TCF4: variants seen among roughly 807,000 people sequenced by gnomAD.
TCF4 encodes SL3-3 enhancer factor 2.
A neutral mutation model predicts 82.1 loss-of-function variants in TCF4; 3 were observed. The ratio of observed to expected loss-of-function variants is 0.04; its 90% confidence interval spans 0.02 to 0.09. TCF4 has a LOEUF of 0.09. Ranked by LOEUF, TCF4 falls within the 10% of genes least tolerant of loss-of-function variation. TCF4 has a pLI of 1.00. For synonymous variants in TCF4, 276 were observed against 309.6 expected, an observed-to-expected ratio of 0.89 and a Z score of 1.14; for missense variants, 518 against 852.7, an observed-to-expected ratio of 0.61 and a Z score of 4.89.
chr18:55,391,852 C>T (rs1438005991), intron 6 of TCF4, among the ~76,000 whole-genome samples: 1 of 149,018 alleles, frequency 6.7e-6, no homozygotes, highest in Non-Finnish European at 1.5e-5. Context: ...ACAGGAGCAT[C>T]GCTTGAACCC....
At chr18:55,418,618 C>T (rs2094606281) in intron 5 of TCF4, among the ~76,000 whole-genome samples, 1 of 152,102 alleles carries the variant, frequency 6.6e-6, no homozygotes, top group Non-Finnish European at 1.5e-5. Context: ...TTTATACTTT[C>T]ATTCTGAATA....
intron 2 of TCF4, among the ~76,000 whole-genome samples, chr18:55,620,626 TGA>T (rs2097716830): frequency 6.6e-6 from 1 of 152,196 alleles, no homozygotes; most frequent in African/African-American, 2.4e-5. Flanking sequence ...GAGAGCCTAC[TGA>T]GTTCTGCTTA....
At chr18:55,390,848 A>G (rs2093023954) in intron 6 of TCF4, among the ~76,000 whole-genome samples, 1 of 152,220 alleles carries the variant, frequency 6.6e-6, no homozygotes, top group Non-Finnish European at 1.5e-5. Context: ...AAATCAAAGA[A>G]TAATCCCTCC....
intron 2 of TCF4, among the ~76,000 whole-genome samples, chr18:55,603,609 C>T (rs140211343): frequency 9.2e-5 from 14 of 152,188 alleles, no homozygotes; most frequent in South Asian, 2.1e-4. Context: ...GTGGAACAGG[C>T]GACACAAACT....
chr18:55,420,862 G>GA (rs1168729128), intron 5 of TCF4, among the ~76,000 whole-genome samples: 1 of 132,068 alleles, frequency 7.6e-6, no homozygotes, highest in Non-Finnish European at 1.6e-5. Flanking sequence ...AGATTTGGGG[G>GA]AAAAAAGAAC....
intron 13 of TCF4, chr18:55,259,660 T>C: frequency 2.9e-6 from 1 of 349,376 alleles, no homozygotes; most frequent in Non-Finnish European, 5.2e-6. Flanking sequence ...TACATTATTC[T>C]GCCGTTGGGT....
intron 2 of TCF4, among the ~76,000 whole-genome samples, chr18:55,601,149 T>C (rs2097696464): frequency 6.6e-6 from 1 of 152,174 alleles, no homozygotes; most frequent in Admixed American, 6.5e-5. Flanking sequence ...AAGTGCTGTA[T>C]CCACAAAAAT....
chr18:55,289,681 C>A (rs1276484661), intron 8 of TCF4, among the ~76,000 whole-genome samples: 2 of 152,164 alleles, frequency 1.3e-5, no homozygotes, highest in Non-Finnish European at 2.9e-5. Flanking sequence ...TTTGTGACCT[C>A]TGAAAGCACT....
chr18:55,615,743 T>A (rs919151863), intron 2 of TCF4, among the ~76,000 whole-genome samples: 1 of 152,100 alleles, frequency 6.6e-6, no homozygotes, highest in Non-Finnish European at 1.5e-5. Flanking sequence ...GATGTTGGAA[T>A]TGTCAACATC....
chr18:55,574,410 C>T lies in TCF4; in HGVS notation c.145+10870G>A, dbSNP rs140463991. On this transcript the variant is annotated intron_variant, in intron 3 of 19. Transcript: ENST00000354452. ...CGCAATTTCAGCTCACCACAAACTC[C>T]ACCTCCTGGATTCAAGCCATTCTCC... is the stretch of plus-strand genomic sequence containing the variant. 1.9e-3 allele frequency among the ~76,000 whole-genome samples: 287 copies of T among 152,262 alleles called. 1 individual carries two copies. Among genetic ancestry groups the T allele is most frequent in the Middle Eastern group, 0.01 (3 of 294 alleles).
chr18:55,336,495 T>C (rs986920859), intron 8 of TCF4, among the ~76,000 whole-genome samples: 1 of 152,116 alleles, frequency 6.6e-6, no homozygotes, highest in Non-Finnish European at 1.5e-5. Context: ...GGTTTGTCCA[T>C]ATACTAGGAG....
chr18:55,411,658 G>A lies in TCF4; in HGVS notation c.305-8140C>T, dbSNP rs974687184. ...TGCTGATCAGGAGAATTATCAGCAA[G>A]ACTTTTCCTAAAAACAGATTCCTGG... On this transcript the variant is annotated intron_variant, in intron 5 of 19. Coordinates refer to ENST00000354452, the MANE Select transcript of TCF4 (RefSeq NM_001083962.2). Among the ~76,000 whole-genome samples, 9 of 152,190 alleles carry A rather than the reference G, an allele frequency of 5.9e-5. No individual in the cohort carries two copies. In the South Asian group the frequency reaches 1.7e-3, roughly 28 times the overall value.
chr18:55,388,833 C>T (rs950755672), intron 6 of TCF4, among the ~76,000 whole-genome samples: 15 of 152,130 alleles, frequency 9.9e-5, no homozygotes, highest in African/African-American at 3.6e-4. Context: ...TAAAAATAAT[C>T]CCAGCCTCGG....
intron 2 of TCF4, among the ~76,000 whole-genome samples, chr18:55,603,899 G>GCT (rs1381460421): frequency 6.6e-6 from 1 of 152,118 alleles, no homozygotes; most frequent in African/African-American, 2.4e-5. Context: ...GGGTTGAATA[G>GCT]CTCTATGGTC....
At chr18:55,437,428 G>A (rs1014009761) in intron 5 of TCF4, among the ~76,000 whole-genome samples, 9 of 152,130 alleles carry the variant, frequency 5.9e-5, no homozygotes, top group African/African-American at 1.7e-4. Flanking sequence ...AAATATGCAC[G>A]ATTTTAACAT....
intron 13 of TCF4, 81 bp from the exon 14 acceptor site, chr18:55,257,472 A>C: frequency 7.5e-7 from 1 of 1,325,516 alleles, no homozygotes; most frequent in East Asian, 2.3e-5. Context: ...GTCCTTTTGG[A>C]AATGGCAATG....
At chr18:55,497,364 C>T (rs2096648837) in intron 3 of TCF4, among the ~76,000 whole-genome samples, 1 of 151,954 alleles carries the variant, frequency 6.6e-6, no homozygotes, top group Non-Finnish European at 1.5e-5. Flanking sequence ...ATTACATGTC[C>T]TTATATGAAC....
intron 8 of TCF4, among the ~76,000 whole-genome samples, chr18:55,294,917 C>A (rs1217052720): frequency 1.3e-5 from 2 of 152,176 alleles, no homozygotes; most frequent in African/African-American, 4.8e-5. Context: ...GAAATTATAA[C>A]AAACCAAGAG....
At chr18:55,258,168 G>A (rs904854796) in intron 13 of TCF4, among the ~76,000 whole-genome samples, 2 of 152,046 alleles carry the variant, frequency 1.3e-5, no homozygotes, top group Admixed American at 6.6e-5. Context: ...CACTCTTCCT[G>A]TCTTTTCTGG....
Sources: allele counts gnomAD v4.1 joint callset (sites outside exome capture counted in the v4.1 genomes callset), GRCh38; gene constraint gnomAD v4.1.1; transcripts MANE v1.5; gene names NCBI Gene and HGNC (gene_info 2026-07-23, HGNC 2026-07-21).